Variants in AIF1L observed in about 807,000 individuals in gnomAD.
AIF1L encodes the protein allograft inflammatory factor 1 like.
A neutral mutation model predicts 20.7 loss-of-function variants in AIF1L; 12 were observed. The ratio of observed to expected loss-of-function variants is 0.58; its 90% CI spans 0.37 to 0.94. The LOEUF is 0.94. Ranked by LOEUF, AIF1L falls within the 40% of genes least tolerant of loss-of-function variation. The pLI is 0.01. For synonymous variants in AIF1L, 76 were observed against 65.1 expected (o/e 1.17, Z -0.81); for missense variants, 173 against 185.3 (o/e 0.93, Z 0.39).
chr9:131,113,677 G>A (rs1830945257), intron 3 of AIF1L, among the ~76,000 whole-genome samples: 1 of 151,446 alleles, frequency 6.6e-6, no homozygotes, highest in Non-Finnish European at 1.5e-5. Context: ...CTAAAAAAAA[G>A]AAGAAAAAGA....
chr9:131,096,679 G>A lies in AIF1L; in HGVS notation c.31+19G>A, dbSNP rs1405523726. The A allele has an allele frequency of 4.1e-6, 6 of 1,473,050 alleles. No homozygotes were observed. In the African/African-American group the frequency reaches 5.9e-5, roughly 15 times the overall value. The allele number at this position is 1,473,050 out of a possible 1,614,324, so 91.2% of individuals were successfully genotyped here. ...TTCCAAGGTAGGCGCCGCCGTCCCC[G>A]AGCAGCCACCTGTGCGCGCCGGGCG... On this transcript the variant is annotated intron_variant, in intron 1 of 5. Coordinates refer to ENST00000247291, the MANE Select transcript of AIF1L (RefSeq NM_031426.4).
At chr9:131,118,783 A>G (rs558003160) in intron 5 of AIF1L, among the ~76,000 whole-genome samples, 1 of 151,954 alleles carries the variant, frequency 6.6e-6, no homozygotes, top group African/African-American at 2.4e-5. Context: ...CTGACTTCCA[A>G]GAGATCAGAC....
At chr9:131,113,203 G>T (rs1830934077) in intron 3 of AIF1L, among the ~76,000 whole-genome samples, 1 of 151,872 alleles carries the variant, frequency 6.6e-6, no homozygotes, top group Non-Finnish European at 1.5e-5. Context: ...GTGCAATTTT[G>T]AAAGGGTGGG....
intron 2 of AIF1L, among the ~76,000 whole-genome samples, chr9:131,107,700 A>C (rs904953593): frequency 2.6e-5 from 4 of 152,246 alleles, no homozygotes; most frequent in African/African-American, 9.6e-5. Flanking sequence ...ACTTGGCAAA[A>C]TAAAAAGTTG....
At position 131,103,755 on chromosome 9, in the gene AIF1L, T is replaced by C. The variant is rs576968698; in HGVS notation, c.93+6892T>C. ...AAGCCCACTTTATAGATGAAGAGAC[T>C]GAGGCCTAGAGTGGTAAACAGGTAA... On this transcript the variant is annotated intron_variant, in intron 2 of 5. Transcript: ENST00000247291. Among the ~76,000 whole-genome samples, 365 of 152,342 alleles carry C rather than the reference T, an allele frequency of 2.4e-3. 1 individual carries two copies. The highest frequency in any genetic ancestry group is 4.4e-3 in the Non-Finnish European group (301 of 68,044).
chr9:131,100,259 G>T lies in AIF1L; in HGVS notation c.93+3396G>T, dbSNP rs145404330. Among the ~76,000 whole-genome samples the T allele has an allele frequency of 5.5e-3, 842 of 152,270 alleles. 3 individuals carry two copies. Among genetic ancestry groups the T allele is most frequent in the Middle Eastern group, 0.01 (3 of 294 alleles). ...AGAGTAAAAATAGGAGACTCTAATGGGCCTAGAAATCCCAGTAGAGGAAGG... is the reference window on the plus strand; with the variant it reads ...AGAGTAAAAATAGGAGACTCTAATGTGCCTAGAAATCCCAGTAGAGGAAGG... On this transcript the variant is annotated intron_variant, in intron 2 of 5. Transcript: ENST00000247291.
At chr9:131,107,048 G>A (rs551979006) in intron 2 of AIF1L, among the ~76,000 whole-genome samples, 6 of 152,232 alleles carry the variant, frequency 3.9e-5, no homozygotes, top group South Asian at 2.1e-4. Flanking sequence ...AGCTGAGATC[G>A]CGCCACTGCA....
At chr9:131,111,816 A>AC (rs1388827398) in intron 3 of AIF1L, 153 bp downstream of exon 3, 3 of 786,444 alleles carry the variant, frequency 3.8e-6, no homozygotes, top group Admixed American at 5.0e-5. Flanking sequence ...GGAGACAGGG[A>AC]CCCCCTGAGA....
At chr9:131,118,487 ATGATGGTGG>A (rs1376958253) in intron 5 of AIF1L, among the ~76,000 whole-genome samples, 1 of 151,736 alleles carries the variant, frequency 6.6e-6, no homozygotes, top group African/African-American at 2.4e-5. Flanking sequence ...TGTGATGATG[ATGATGGTGG>A]TGATGGTGAT....
At position 131,111,610 on chromosome 9, in the gene AIF1L, A is replaced by C; in HGVS notation, c.107A>C (p.Asp36Ala). 6.2e-7 allele frequency: 1 copy of C among 1,613,986 alleles called. No individual in the cohort carries two copies. The part of the protein sequence containing the change: ...LAEINREFLC[D>A]QKYSDEENLP... ...TCACCTCTGTAGGAGTTTCTGTGTG[A>C]CCAGAAGTACAGTGATGAAGAGAAC... The change falls in exon 3 of 6, where the codon GAC becomes GCC. Residue 36 changes from aspartate to alanine, a missense_variant. Coordinates refer to ENST00000247291, the MANE Select transcript of AIF1L (RefSeq NM_031426.4).
At chr9:131,110,505 CT>C (rs199767868) in intron 2 of AIF1L, among the ~76,000 whole-genome samples, 32,091 of 138,248 alleles carry the variant, frequency 0.23, 3,836 homozygotes, top group East Asian at 0.34. Flanking sequence ...TTTTTCTTTT[CT>C]TTTTTTTTTT....
chr9:131,100,603 C>T (rs915704617), intron 2 of AIF1L, among the ~76,000 whole-genome samples: 1 of 152,232 alleles, frequency 6.6e-6, no homozygotes, highest in Non-Finnish European at 1.5e-5. Context: ...TGTGCACGCA[C>T]GTGTGTACAT....
chr9:131,102,987 AG>A, intron 2 of AIF1L: 1 of 456,382 alleles, frequency 2.2e-6, no homozygotes, highest in Non-Finnish European at 4.4e-6. Flanking sequence ...AAGGTGCTAG[AG>A]GTACCAGCCC....
Position 131,115,578 on chromosome 9 carries a change from C to T in AIF1L, c.202+960C>T, listed in dbSNP as rs893111268. Among the ~76,000 whole-genome samples, 19 of 151,846 alleles carry T rather than the reference C, an allele frequency of 1.3e-4. No individual in the cohort carries two copies. The Middle Eastern group carries it at 0.014, about 109-fold the overall frequency. The stretch of plus-strand genomic sequence containing the variant: ...TTTCCCCCTTTTCCATTTCATCCTG[C>T]GTCTCAGATTGATGCTGCTACCGGC... On this transcript the variant is annotated intron_variant, in intron 4 of 5. Transcript: ENST00000247291.
chr9:131,106,288 C>T (rs1830746037), intron 2 of AIF1L: 4 of 1,424,232 alleles, frequency 2.8e-6, no homozygotes. Context: ...ACCTGAGTCT[C>T]AACTCCTCCA....
Position 131,121,048 on chromosome 9 carries a change from G to A in AIF1L, c.*726G>A. The A allele has an allele frequency of 1.4e-6, 1 of 699,738 alleles. No individual in the cohort carries two copies. The highest frequency in any genetic ancestry group is 2.7e-6 in the Non-Finnish European group (1 of 377,304). 43.3% of individuals were successfully genotyped at this position (699,738 alleles called of 1,614,324 possible). On this transcript the variant is annotated 3_prime_UTR_variant, in exon 6 of 6. Transcript: ENST00000247291. ...CTTACTGGGGCAGCAGAGGGCTTCG[G>A]AGGCAGAAGTGAGGCCTGGGGTTTT...
rs935866466 is a variant in AIF1L, at chr9:131,117,976, G to C, written c.365+58G>C. 1.1e-5 allele frequency: 16 copies of C among 1,510,928 alleles called. No individual in the cohort carries two copies. The African/African-American group carries it at 1.9e-4, about 18-fold the overall frequency. The allele number at this position is 1,510,928 out of a possible 1,614,324, so 93.6% of individuals were successfully genotyped here. A position where few individuals can be genotyped will look rare whatever the true frequency, so the allele number is the denominator to read the frequency against. ...AAGGCAAAATCATTCTGTGCAGAGA[G>C]GCCCCTGGCTCTGGGCACCCCAGCC... On this transcript the variant is annotated intron_variant, in intron 5 of 5. Transcript: ENST00000247291.
At chr9:131,116,140 C>T (rs1831007745) in intron 4 of AIF1L, among the ~76,000 whole-genome samples, 1 of 152,084 alleles carries the variant, frequency 6.6e-6, no homozygotes, top group East Asian at 1.9e-4. Flanking sequence ...ACTCTTTATT[C>T]TAATCACAAA....
chr9:131,096,777 C>A (rs913345333), intron 1 of AIF1L, 25 bp from the exon 2 acceptor site: 2 of 1,518,828 alleles, frequency 1.3e-6, no homozygotes, highest in Non-Finnish European at 1.8e-6. Flanking sequence ...CCCCGCTTCC[C>A]AGGCCGCCTC....
Sources: gnomAD v4.1 joint callset for allele counts (sites outside exome capture counted in the v4.1 genomes callset) on GRCh38, gnomAD v4.1.1 for gene constraint, MANE v1.5 for transcripts, NCBI Gene and HGNC (gene_info 2026-07-23, HGNC 2026-07-21) for gene names.